RIN1: variants seen among roughly 807,000 people sequenced by gnomAD.
RIN1 encodes the protein Ras and Rab interactor 1.
Under a neutral mutation model 64.9 loss-of-function variants are expected in RIN1, and 52 were observed. That is an observed-to-expected ratio of 0.80 (90% confidence interval 0.64 to 1.01). RIN1 has a LOEUF of 1.01. Ranked by LOEUF, RIN1 falls within the 50% of genes least tolerant of loss-of-function variation. The pLI, the probability that RIN1 is intolerant of heterozygous loss-of-function variation, is 0.00. For synonymous variants in RIN1, 486 were observed against 483.6 expected (o/e 1.00, Z -0.06); for missense variants, 1,040 against 1,064.5 (o/e 0.98, Z 0.32).
chr11:66,332,324 A>G lies in RIN1; in HGVS notation c.2304T>C (p.Ala768=), dbSNP rs1445585737. ...CCTCTGCCTCTGGTTCCCCTGGCTG[A>G]GCAGGGCCTTCCTGGGCTTGACCCT... The part of the protein sequence containing the change: ...GGQGQAQEGP[A]QPGEPEAEGS... Residue 768 remains alanine (A), a synonymous_variant, in exon 10 of 10, where the codon GCT becomes GCC. Coordinates refer to ENST00000311320, the MANE Select transcript of RIN1 (RefSeq NM_004292.3). 1 of 1,614,094 alleles carries G rather than the reference A, an allele frequency of 6.2e-7. No individual in the cohort carries two copies. Among genetic ancestry groups the G allele is most frequent in the East Asian group, 2.2e-5 (1 of 44,886 alleles).
rs201561990 is a variant in RIN1, at chr11:66,335,741, C to G, written c.382+21G>C. 2,121 of 1,612,236 alleles carry G rather than the reference C, an allele frequency of 1.3e-3. 3 individuals carry two copies. Among genetic ancestry groups the G allele is most frequent in the Non-Finnish European group, 1.6e-3 (1,926 of 1,179,186 alleles). On this transcript the variant is annotated intron_variant, in intron 3 of 9. Transcript: ENST00000311320. ...GGAACCTCCCTGCTTCCAGCCCCTTCCCGCCAGGCCAGCCCCTCACCGCCA... is the reference window on the plus strand; with the variant it reads ...GGAACCTCCCTGCTTCCAGCCCCTTGCCGCCAGGCCAGCCCCTCACCGCCA...
chr11:66,331,838 A>C lies in RIN1; in HGVS notation c.*438T>G, dbSNP rs1299443871. On this transcript the variant is annotated 3_prime_UTR_variant, in exon 10 of 10. Coordinates refer to ENST00000311320, the MANE Select transcript of RIN1 (RefSeq NM_004292.3). ...CCTCTCTAAATCCTCCTGACACCTA[A>C]GAGCCATTGGAACCTTTTAGGGTCT... 6.3e-5 allele frequency: 13 copies of C among 205,022 alleles called. No homozygotes were observed. In the East Asian group the frequency reaches 1.8e-3, roughly 28 times the overall value. The allele number at this position is 205,022 out of a possible 1,614,324, so 12.7% of individuals were successfully genotyped here. A position where few individuals can be genotyped will look rare whatever the true frequency, so the allele number is the denominator to read the frequency against.
intron 6 of RIN1, 97 bp from the exon 7 acceptor site, chr11:66,334,321 C>T: frequency 7.9e-7 from 1 of 1,263,990 alleles, no homozygotes; most frequent in Non-Finnish European, 1.1e-6. Flanking sequence ...GGAGGAGAGG[C>T]AAGGAAAGCA....
Position 66,334,122 on chromosome 11 carries a change from C to T in RIN1, c.1388G>A (p.Gly463Asp), listed in dbSNP as rs1854810332. 1.9e-6 allele frequency: 3 copies of T among 1,550,392 alleles called. No homozygotes were observed. Among genetic ancestry groups the T allele is most frequent in the African/African-American group, 1.4e-5 (1 of 73,420 alleles). ...RRRLAADGSL[G>D]RLAEGLRLAR... ...CAGGCGGAGGCCCTCAGCTAGGCGG[C>T]CCAGGGAGCCGTCTGCGGCAAGCCG... The change falls in exon 7 of 10, where the codon GGC (glycine) becomes GAC (aspartate). Residue 463 changes from glycine to aspartate, a missense_variant. Physicochemically the swap from Gly to Asp is moderately conservative, Grantham distance 94. Transcript: ENST00000311320.
chr11:66,332,515 C>A lies in RIN1; in HGVS notation c.2113G>T (p.Glu705Ter), dbSNP rs1198421185. Residue 705 changes from glutamate (E) to a stop codon, truncating the protein, a stop_gained, in exon 10 of 10, where the codon GAG (glutamate) becomes TAG (stop). Coordinates refer to ENST00000311320, the MANE Select transcript of RIN1 (RefSeq NM_004292.3). LOFTEE classifies it high-confidence loss of function. ...TTGYLVYRRA[E>*]WPETQGAVTE... Reference sequence around the variant, plus strand: ...ACAGCCCCCTGGGTCTCAGGCCACTCCGCCCGGCGGTAGACGAGGTAGCCA... The same window carrying A: ...ACAGCCCCCTGGGTCTCAGGCCACTACGCCCGGCGGTAGACGAGGTAGCCA... The A allele has an allele frequency of 2.5e-6, 4 of 1,613,894 alleles. No homozygotes were observed. The highest frequency in any genetic ancestry group is 1.3e-5 in the African/African-American group (1 of 74,952).
Position 66,332,097 on chromosome 11 carries a change from C to A in RIN1, c.*179G>T. Reference sequence around the variant, plus strand: ...ACAGTCTGGGGGCCCCCGAAGCCCCCTCATCTTTATTCCAGTTCCTCAGAT... The same window carrying A: ...ACAGTCTGGGGGCCCCCGAAGCCCCATCATCTTTATTCCAGTTCCTCAGAT... On this transcript the variant is annotated 3_prime_UTR_variant, in exon 10 of 10. Transcript: ENST00000311320. The A allele has an allele frequency of 1.5e-6, 1 of 680,874 alleles. No individual in the cohort carries two copies. The highest frequency in any genetic ancestry group is 2.5e-6 in the Non-Finnish European group (1 of 398,914). The allele number at this position is 680,874 out of a possible 1,614,324, so 42.2% of individuals were successfully genotyped here.
chr11:66,334,917 C>T lies in RIN1; in HGVS notation c.882G>A (p.Gly294=). The T allele has an allele frequency of 6.3e-7, 1 of 1,584,386 alleles. No homozygotes were observed. The highest frequency in any genetic ancestry group is 8.6e-7 in the Non-Finnish European group (1 of 1,165,110). Residue 294 remains glycine (G), a synonymous_variant, in exon 6 of 10, where the codon GGG becomes GGA. Coordinates refer to ENST00000311320, the MANE Select transcript of RIN1 (RefSeq NM_004292.3). ...GGCCACTGCCTGCTGGCACGCGGTACCCCACTGAGCTCTCCCTCCGTAGCA... is the reference window on the plus strand; with the variant it reads ...GGCCACTGCCTGCTGGCACGCGGTATCCCACTGAGCTCTCCCTCCGTAGCA... ...CQLLRRESSV[G]YRVPAGSGPS...
Position 66,334,091 on chromosome 11 carries a change from C to T in RIN1, c.1419G>A (p.Arg473=). The T allele has an allele frequency of 1.3e-6, 2 of 1,561,120 alleles. No individual in the cohort carries two copies. Among genetic ancestry groups the T allele is most frequent in the Non-Finnish European group, 1.7e-6 (2 of 1,152,982 alleles). Residue 473 remains arginine, a synonymous_variant, in exon 7 of 10, where the codon CGG becomes CGA. Coordinates refer to ENST00000311320, the MANE Select transcript of RIN1 (RefSeq NM_004292.3). The stretch of plus-strand genomic sequence containing the variant: ...ACCCGAAGGCTCCGGGGCCCTGGGC[C>T]CGGGCCAGGCGGAGGCCCTCAGCTA... The part of the protein sequence containing the change: ...GRLAEGLRLA[R]AQGPGAFGSH...
chr11:66,334,473 G>A (rs377735413), intron 6 of RIN1, 41 bp downstream of exon 6: 38 of 1,584,944 alleles, frequency 2.4e-5, no homozygotes, highest in Middle Eastern at 1.7e-4. Flanking sequence ...GCAGAGGGTC[G>A]GATGGGGCAG....
At position 66,335,743 on chromosome 11, in the gene RIN1, C is replaced by A; in HGVS notation, c.382+19G>T. ...AACCTCCCTGCTTCCAGCCCCTTCC[C>A]GCCAGGCCAGCCCCTCACCGCCAGG... On this transcript the variant is annotated intron_variant, in intron 3 of 9. Transcript: ENST00000311320. The A allele has an allele frequency of 6.2e-7, 1 of 1,612,264 alleles. No homozygotes were observed. Among genetic ancestry groups the A allele is most frequent in the South Asian group, 1.1e-5 (1 of 90,642 alleles).
upstream of RIN1, chr11:66,336,651 C>T: frequency 2.0e-6 from 1 of 498,752 alleles, no homozygotes; most frequent in Non-Finnish European, 3.6e-6. Flanking sequence ...ACACGGCCTC[C>T]TGCAGCCTCA....
chr11:66,334,248 C>T, intron 6 of RIN1, 24 bp from the exon 7 acceptor site: 2 of 1,244,140 alleles, frequency 1.6e-6, no homozygotes, highest in African/African-American at 2.3e-5. Context: ...AGGGAGGGGT[C>T]AGGGGAAGAC....
rs1161100987 is a variant in RIN1, at chr11:66,334,166, C to A, written c.1344G>T (p.Leu448=). The change falls in exon 7 of 10, where the codon CTG becomes CTT. Residue 448 remains leucine, a synonymous_variant. Coordinates refer to ENST00000311320, the MANE Select transcript of RIN1 (RefSeq NM_004292.3). ...CSVLKPLRPI[L]AARLRRRLAA... is the part of the protein sequence containing the mutation. ...CAAGCCGGCGCCGCAGGCGGGCTGC[C>A]AGGATGGGCCGGAGAGGCTTGAGCA... The A allele has an allele frequency of 1.3e-6, 2 of 1,534,974 alleles. No homozygotes were observed. Among genetic ancestry groups the A allele is most frequent in the Non-Finnish European group, 1.7e-6 (2 of 1,147,032 alleles).
chr11:66,336,274 G>GC (rs1854900267), intron 1 of RIN1, 43 bp downstream of exon 1: 1 of 1,560,048 alleles, frequency 6.4e-7, no homozygotes, highest in African/African-American at 1.4e-5. Context: ...TCCTCTCGCA[G>GC]CCCCTCCCTG....
In RIN1 at chr11:66,332,620, T is replaced by C; in HGVS notation, c.2008A>G (p.Thr670Ala). 1 of 1,604,038 alleles carries C rather than the reference T, an allele frequency of 6.2e-7. No individual in the cohort carries two copies. Reference sequence around the variant, plus strand: ...TCCTTGTACAGGAAGAGGCCAAAAGTGTTGGGCTGGGTCACTCGGAACTTG... The same window carrying C: ...TCCTTGTACAGGAAGAGGCCAAAAGCGTTGGGCTGGGTCACTCGGAACTTG... ...ATKFRVTQPN[T>A]FGLFLYKEQG... is the part of the protein sequence containing the mutation. The change falls in exon 10 of 10, where the codon ACT becomes GCT. Residue 670 changes from threonine to alanine, a missense_variant. Coordinates refer to ENST00000311320, the MANE Select transcript of RIN1 (RefSeq NM_004292.3).
At position 66,334,966 on chromosome 11, in the gene RIN1, G is replaced by C. The variant is rs781755847; in HGVS notation, c.833C>G (p.Thr278Arg). 6.3e-7 allele frequency: 1 copy of C among 1,578,990 alleles called. No homozygotes were observed. Among genetic ancestry groups the C allele is most frequent in the Admixed American group, 1.8e-5 (1 of 55,998 alleles). The change falls in exon 6 of 10, where the codon ACA becomes AGA. Residue 278 changes from threonine (T) to arginine (R), a missense_variant. By Grantham distance (71) the Thr-to-Arg change is moderately conservative. Transcript: ENST00000311320. Reference sequence around the variant, plus strand: ...CAGCTGGCAAGGGGGCAGCCGCTCTGTCTGGCTGGGGACTGCCCCTGGCAG... The same window carrying C: ...CAGCTGGCAAGGGGGCAGCCGCTCTCTCTGGCTGGGGACTGCCCCTGGCAG... ...PVLPGAVPSQ[T>R]ERLPPCQLLR... is the part of the protein sequence containing the mutation.
In RIN1 at chr11:66,332,790, C is replaced by T. The variant is rs200008119; in HGVS notation, c.1876-38G>A. On this transcript the variant is annotated intron_variant, in intron 9 of 9. Coordinates refer to ENST00000311320, the MANE Select transcript of RIN1 (RefSeq NM_004292.3). ...AGAAGCAAAAACAAGTACTCAGCCC[C>T]GGCTGGCATGCATCTGGCTCCAAAG... The T allele has an allele frequency of 2.1e-4, 298 of 1,422,464 alleles. 1 individual carries two copies. Among genetic ancestry groups the T allele is most frequent in the South Asian group, 1.0e-3 (71 of 70,246 alleles). The allele number at this position is 1,422,464 out of a possible 1,614,324, so 88.1% of individuals were successfully genotyped here. A position where few individuals can be genotyped will look rare whatever the true frequency, so the allele number is the denominator to read the frequency against.
chr11:66,335,471 G>A lies in RIN1; in HGVS notation c.483C>T (p.Leu161=). The change falls in exon 5 of 10, where the codon CTC becomes CTT. Residue 161 remains leucine (L), a synonymous_variant. Transcript: ENST00000311320. ...TGGCTGCGTGGTGGATGGCTCTGGG[G>A]AGCTGCAGCGGGAGGAGAAGGATGT... The part of the protein sequence containing the change: ...TRDILLLPLQ[L]PRAIHHAATH... The A allele has an allele frequency of 6.2e-7, 1 of 1,613,858 alleles. No homozygotes were observed. Among genetic ancestry groups the A allele is most frequent in the Non-Finnish European group, 8.5e-7 (1 of 1,179,826 alleles).
Position 66,332,486 on chromosome 11 carries a change from T to G in RIN1, c.2142A>C (p.Thr714=), listed in dbSNP as rs1319168921. The stretch of plus-strand genomic sequence containing the variant: ...CTGACTGCCCACTGCCCTCCTCCTC[T>G]GTCACAGCCCCCTGGGTCTCAGGCC... ...AEWPETQGAV[T]EEEGSGQSEA... is the part of the protein sequence containing the mutation. The change falls in exon 10 of 10, where the codon ACA becomes ACC. Residue 714 remains threonine (T), a synonymous_variant. Coordinates refer to ENST00000311320, the MANE Select transcript of RIN1 (RefSeq NM_004292.3). 1.2e-6 allele frequency: 2 copies of G among 1,614,138 alleles called. No homozygotes were observed. Among genetic ancestry groups the G allele is most frequent in the Non-Finnish European group, 1.7e-6 (2 of 1,180,014 alleles).
Sources: gnomAD v4.1 joint callset for allele counts on GRCh38, gnomAD v4.1.1 for gene constraint, MANE v1.5 for transcripts, NCBI Gene and HGNC (gene_info 2026-07-23, HGNC 2026-07-21) for gene names.